STAB1: variants seen among roughly 807,000 people sequenced by gnomAD.
STAB1 encodes stabilin-1.
Under a neutral mutation model 332.4 loss-of-function variants are expected in STAB1, and 250 were observed. The ratio of observed to expected loss-of-function variants is 0.75; its 90% CI spans 0.68 to 0.84. STAB1 has a LOEUF of 0.84. Ranked by LOEUF, STAB1 falls within the 40% of genes least tolerant of loss-of-function variation. STAB1 has a pLI of 0.00. For missense variants in STAB1, 3,249 were observed against 3,489.7 expected, an observed-to-expected ratio of 0.93 and a Z score of 1.74; for synonymous variants, 1,475 against 1,390.4, an observed-to-expected ratio of 1.06 and a Z score of -1.35.
In STAB1 at chr3:52,520,892, A is replaced by G; in HGVS notation, c.5795A>G (p.His1932Arg). ...TTGGGATTACGCAGCGTCTGGGTCCACCCCAGCCTTTGGGGTAGGCCCCAA... is the reference window on the plus strand; with the variant it reads ...TTGGGATTACGCAGCGTCTGGGTCCGCCCCAGCCTTTGGGGTAGGCCCCAA... ...HSLGLRSVWV[H>R]PSLWGRPQGL... Residue 1932 changes from histidine (H) to arginine (R), a missense_variant, in exon 55 of 69, where the codon CAC becomes CGC. His to Arg is a conservative substitution (Grantham distance 29). Transcript: ENST00000321725. 1 of 1,610,622 alleles carries G rather than the reference A, an allele frequency of 6.2e-7. No homozygotes were observed. Among genetic ancestry groups the G allele is most frequent in the South Asian group, 1.1e-5 (1 of 90,810 alleles).
At chr3:52,518,212 CAT>C in intron 45 of STAB1, 98 bp from the exon 46 acceptor site, 1 of 1,573,446 alleles carries the variant, frequency 6.4e-7, no homozygotes, top group African/African-American at 1.3e-5. Context: ...TTCCTTTCCT[CAT>C]GTCTGCCTTG....
At chr3:52,519,143 C>T in intron 48 of STAB1, 121 bp from the exon 49 acceptor site, 2 of 1,376,910 alleles carry the variant, frequency 1.5e-6, no homozygotes, top group South Asian at 1.3e-5. Context: ...GTCCTGGTCC[C>T]GAAGAACCGG....
At chr3:52,505,462 C>A in intron 14 of STAB1, 81 bp downstream of exon 14, 1 of 1,455,694 alleles carries the variant, frequency 6.9e-7, no homozygotes. Context: ...TTCTGCCCCA[C>A]AGTGACCTGG....
rs147636423 is a variant in STAB1, at chr3:52,504,491, C to T, written c.1181C>T (p.Ala394Val). 512 of 1,614,052 alleles carry T rather than the reference C, an allele frequency of 3.2e-4. No homozygotes were observed. Among genetic ancestry groups the T allele is most frequent in the Admixed American group, 6.5e-4 (39 of 60,022 alleles). Residue 394 changes from alanine (A) to valine (V), a missense_variant, in exon 11 of 69, where the codon GCG becomes GTG. Physicochemically the swap from Ala to Val is moderately conservative, Grantham distance 64. Coordinates refer to ENST00000321725, the MANE Select transcript of STAB1 (RefSeq NM_015136.3). ...DQGCREILTT[A>V]GPFTVLVPSV... ...GGCTGCCGGGAAATCCTTACCACAG[C>T]GGGCCCTTTCACCGTGCTGGTGCCA... is the stretch of plus-strand genomic sequence containing the variant.
At chr3:52,504,657 C>T in intron 11 of STAB1, 82 bp from the exon 12 acceptor site, 4 of 1,612,162 alleles carry the variant, frequency 2.5e-6, no homozygotes, top group Middle Eastern at 1.7e-4. Flanking sequence ...GGGATGCATC[C>T]TGTCCCCTCC....
chr3:52,522,302 G>C (rs1046470022), intron 59 of STAB1, 28 bp from the exon 60 acceptor site: 1 of 1,612,246 alleles, frequency 6.2e-7, no homozygotes, highest in South Asian at 1.1e-5. Context: ...GAAGGGTGAA[G>C]GGCGCCCACT....
intron 1 of STAB1, among the ~76,000 whole-genome samples, chr3:52,498,851 C>G (rs1033638984): frequency 6.6e-6 from 1 of 152,212 alleles, no homozygotes; most frequent in African/African-American, 2.4e-5. Flanking sequence ...TCAGCAAAGG[C>G]GAGCCTCAGG....
chr3:52,514,618 G>A (rs2078790327), intron 34 of STAB1, 83 bp from the exon 35 acceptor site: 17 of 1,593,328 alleles, frequency 1.1e-5, no homozygotes, highest in Non-Finnish European at 1.5e-5. Context: ...GGAGCCCCCC[G>A]GCCCTGGAGT....
At chr3:52,505,194 A>G (rs1578370040) in intron 13 of STAB1, 51 bp downstream of exon 13, 1 of 1,605,770 alleles carries the variant, frequency 6.2e-7, no homozygotes, top group African/African-American at 1.3e-5. Context: ...GTAATCTCAG[A>G]CCCCTGCAGA....
intron 21 of STAB1, 170 bp downstream of exon 21, chr3:52,508,529 ATAAT>A (rs1709052502): frequency 1.4e-6 from 1 of 701,732 alleles, no homozygotes; most frequent in South Asian, 1.5e-5. Flanking sequence ...TTAATTAAAA[ATAAT>A]TAGAGAGGCC....
Position 52,520,297 on chromosome 3 carries a change from C to A in STAB1, c.5499+7C>A. 1 of 1,613,060 alleles carries A rather than the reference C, an allele frequency of 6.2e-7. No homozygotes were observed. The highest frequency in any genetic ancestry group is 8.5e-7 in the Non-Finnish European group (1 of 1,180,020). On this transcript the variant is annotated splice_region_variant and intron_variant, in intron 52 of 68. Transcript: ENST00000321725. ...CTGCAGCCGAACGCGGGCCGTGAGT[C>A]TGGGGAGAGGGCTTGGATGAAGGGA...
rs1201084953 is a variant in STAB1, at chr3:52,521,599, G to GC, written c.6064dup (p.Arg2022ProfsTer9). ...TCCTGCCTGTCCCTCTCCCCAGCCT[G>GC]CCGCTGCACTGTGCATGGCCGCTGT... On this transcript the variant is annotated frameshift_variant, in exon 57 of 69. Coordinates refer to ENST00000321725, the MANE Select transcript of STAB1 (RefSeq NM_015136.3). LOFTEE classifies it high-confidence loss of function. 6.2e-7 allele frequency: 1 copy of GC among 1,612,790 alleles called. No individual in the cohort carries two copies. Among genetic ancestry groups the GC allele is most frequent in the African/African-American group, 1.3e-5 (1 of 74,926 alleles).
At chr3:52,507,269 C>A (rs1035898076) in intron 18 of STAB1, among the ~76,000 whole-genome samples, 3 of 152,158 alleles carry the variant, frequency 2.0e-5, no homozygotes, top group African/African-American at 7.2e-5. Flanking sequence ...GGTTTCAAAC[C>A]TCTGACCTCA....
rs777320213 is a variant in STAB1, at chr3:52,523,912, C to A, written c.7437C>A (p.Gly2479=). 1.7e-5 allele frequency: 28 copies of A among 1,608,532 alleles called. 2 individuals are homozygous for A. The Admixed American group carries it at 2.0e-4, about 11-fold the overall frequency. Residue 2479 remains glycine (G), a synonymous_variant, in exon 67 of 69, where the codon GGC becomes GGA. Transcript: ENST00000321725. The part of the protein sequence containing the change: ...LAPEAPPVAA[G]VGAVLAAGAL... ...CTGAAGCCCCACCTGTGGCGGCAGG[C>A]GTGGGGGCTGTGCTTGCCGCTGGAG...
At chr3:52,499,421 C>A (rs545796314) in intron 1 of STAB1, among the ~76,000 whole-genome samples, 2 of 152,348 alleles carry the variant, frequency 1.3e-5, no homozygotes, top group Non-Finnish European at 2.9e-5. Context: ...TCTTCCACGC[C>A]CCACCCAGTT....
At chr3:52,512,300 A>G (rs1653965733) in intron 26 of STAB1, 41 bp from the exon 27 acceptor site, 3 of 1,592,674 alleles carry the variant, frequency 1.9e-6, no homozygotes, top group African/African-American at 1.3e-5. Flanking sequence ...CCCAGCTGCC[A>G]TCTGGTTCTG....
At position 52,519,287 on chromosome 3, in the gene STAB1, C is replaced by A; in HGVS notation, c.5058C>A (p.Phe1686Leu). 6.2e-7 allele frequency: 1 copy of A among 1,612,936 alleles called. No individual in the cohort carries two copies. The highest frequency in any genetic ancestry group is 1.1e-5 in the South Asian group (1 of 91,080). ...AGGGCAGCATATACCTCAATGACTT[C>A]GCGCGCGTGGTGAGCAGCGACCATG... ...EREGSIYLNDFARVVSSDHEA... is the reference protein window; with the variant it reads ...EREGSIYLNDLARVVSSDHEA... Residue 1686 changes from phenylalanine (F) to leucine (L), a missense_variant, in exon 49 of 69, where the codon TTC (phenylalanine) becomes TTA (leucine). Transcript: ENST00000321725.
chr3:52,496,447 C>T (rs1708031209), intron 1 of STAB1, among the ~76,000 whole-genome samples: 1 of 152,234 alleles, frequency 6.6e-6, no homozygotes, highest in Admixed American at 6.5e-5. Context: ...ACAGGCAGTC[C>T]AGCCAGGGGC....
At chr3:52,512,283 G>A in intron 26 of STAB1, 58 bp from the exon 27 acceptor site, 1 of 1,529,746 alleles carries the variant, frequency 6.5e-7, no homozygotes, top group South Asian at 1.1e-5. Flanking sequence ...GATGGGGGAG[G>A]GAGGGGCCCA....
Sources: allele counts gnomAD v4.1 joint callset (sites outside exome capture counted in the v4.1 genomes callset), GRCh38; gene constraint gnomAD v4.1.1; transcripts MANE v1.5; gene names NCBI Gene and HGNC (gene_info 2026-07-23, HGNC 2026-07-21).